The following PDGFC variants were observed in gnomAD, a reference collection of about 807,000 sequenced individuals.
PDGFC encodes the protein platelet-derived growth factor C.
In PDGFC, 12 loss-of-function variants were observed where a neutral mutation model predicts 35.5. The observed-to-expected ratio is 0.34, with a 90% CI of 0.22 to 0.55. The LOEUF (loss-of-function observed/expected upper bound fraction) is 0.55, where lower values mean the gene tolerates loss of function less well. Among genes scored for constraint, PDGFC ranks in the 20% least tolerant of loss-of-function variants. The probability of loss-of-function intolerance (pLI) is 0.91; values close to 1 mark genes in which losing one functional copy is unlikely to be tolerated. For synonymous variants in PDGFC, 159 were observed against 148.8 expected, an observed-to-expected ratio of 1.07 and a Z score of -0.50; for missense variants, 322 against 412.4, an observed-to-expected ratio of 0.78 and a Z score of 1.90.
At chr4:156,895,532 T>C (rs1256982134) in intron 1 of PDGFC, among the ~76,000 whole-genome samples, 1 of 151,424 alleles carries the variant, frequency 6.6e-6, no homozygotes, top group African/African-American at 2.4e-5. Flanking sequence ...CTCAGGAGGC[T>C]GAGGCAGGAG....
Position 156,846,756 on chromosome 4 carries a change from CT to C in PDGFC, c.314+3464del, listed in dbSNP as rs758236437. On this transcript the variant is annotated intron_variant, in intron 2 of 5. Coordinates refer to ENST00000502773, the MANE Select transcript of PDGFC (RefSeq NM_016205.3). ...GTACAAAGTGTCATAATGTTGGCAG[CT>C]TACTTTTAAATCCAAAAGAAAAGAA... Among the ~76,000 whole-genome samples, 14 of 151,754 alleles carry C rather than the reference CT, an allele frequency of 9.2e-5. No homozygotes were observed. In the East Asian group the frequency reaches 1.2e-3, roughly 13 times the overall value.
chr4:156,804,346 C>T (rs528577524), intron 3 of PDGFC, among the ~76,000 whole-genome samples: 10 of 152,042 alleles, frequency 6.6e-5, no homozygotes, highest in African/African-American at 1.7e-4. Flanking sequence ...GAGTATCACC[C>T]CAGACCAAGA....
intron 1 of PDGFC, among the ~76,000 whole-genome samples, chr4:156,934,742 T>C (rs1343374447): frequency 6.6e-6 from 1 of 152,210 alleles, no homozygotes; most frequent in Non-Finnish European, 1.5e-5. Context: ...ATTTTAAATT[T>C]TTTTTATTTT....
chr4:156,840,392 C>T (rs1263262523), intron 2 of PDGFC, among the ~76,000 whole-genome samples: 1 of 152,182 alleles, frequency 6.6e-6, no homozygotes, highest in African/African-American at 2.4e-5. Context: ...TAGTGTTGGT[C>T]CTGTGGGTGC....
At chr4:156,864,555 A>G (rs1228088999) in intron 1 of PDGFC, among the ~76,000 whole-genome samples, 1 of 152,158 alleles carries the variant, frequency 6.6e-6, no homozygotes, top group Non-Finnish European at 1.5e-5. Flanking sequence ...TCTCTTCACA[A>G]TTCCCCTCCT....
At chr4:156,948,618 T>C (rs1362276638) in intron 1 of PDGFC, among the ~76,000 whole-genome samples, 1 of 152,004 alleles carries the variant, frequency 6.6e-6, no homozygotes, top group Non-Finnish European at 1.5e-5. Flanking sequence ...GTTTCTAATA[T>C]AGTAGTAATA....
chr4:156,762,413 G>A lies in PDGFC; in HGVS notation c.*677C>T, dbSNP rs1288096459. Reference sequence around the variant, plus strand: ...AAATAAACTGACTTATCGATAAAGTGAAGATAAGGCCACTCTTCTTTTCAG... The same window carrying A: ...AAATAAACTGACTTATCGATAAAGTAAAGATAAGGCCACTCTTCTTTTCAG... On this transcript the variant is annotated 3_prime_UTR_variant, in exon 6 of 6. Transcript: ENST00000502773. The A allele has an allele frequency of 6.6e-6, 1 of 152,536 alleles. No individual in the cohort carries two copies. Among genetic ancestry groups the A allele is most frequent in the Non-Finnish European group, 1.5e-5 (1 of 68,028 alleles). The allele number at this position is 152,536 out of a possible 1,614,324, so 9.4% of individuals were successfully genotyped here.
chr4:156,912,760 G>A (rs984842158), intron 1 of PDGFC, among the ~76,000 whole-genome samples: 1 of 151,500 alleles, frequency 6.6e-6, no homozygotes, highest in Non-Finnish European at 1.5e-5. Flanking sequence ...ATATAAATAT[G>A]TACATTTTTC....
intron 1 of PDGFC, among the ~76,000 whole-genome samples, chr4:156,958,963 T>C (rs1222972801): frequency 6.6e-6 from 1 of 152,074 alleles, no homozygotes; most frequent in East Asian, 1.9e-4. Flanking sequence ...GTTGTTAGAT[T>C]TTTTACTTTA....
intron 1 of PDGFC, among the ~76,000 whole-genome samples, chr4:156,853,741 C>T (rs1053607139): frequency 2.0e-5 from 3 of 152,068 alleles, no homozygotes; most frequent in Non-Finnish European, 2.9e-5. Context: ...GCAGGTGGAT[C>T]CCTTAAGCTC....
At chr4:156,830,526 CT>C (rs143256958) in intron 2 of PDGFC, among the ~76,000 whole-genome samples, 9,441 of 152,176 alleles carry the variant, frequency 0.062, 386 homozygotes, top group Middle Eastern at 0.12. Context: ...CATTTAGTCA[CT>C]TGTGGACCTC....
intron 1 of PDGFC, among the ~76,000 whole-genome samples, chr4:156,877,562 C>G (rs1324646283): frequency 6.6e-6 from 1 of 152,032 alleles, no homozygotes; most frequent in South Asian, 2.1e-4. Flanking sequence ...AAATCAAGTA[C>G]CAGTAGAGAA....
At chr4:156,837,778 G>C (rs1729097653) in intron 2 of PDGFC, among the ~76,000 whole-genome samples, 1 of 152,208 alleles carries the variant, frequency 6.6e-6, no homozygotes, top group South Asian at 2.1e-4. Flanking sequence ...CAGGAAAATA[G>C]GTAAAGGGTT....
chr4:156,782,596 C>A (rs1450016281), intron 3 of PDGFC, among the ~76,000 whole-genome samples: 1 of 152,036 alleles, frequency 6.6e-6, no homozygotes, highest in Non-Finnish European at 1.5e-5. Context: ...TGAACACTTT[C>A]AAAAAATAAA....
Position 156,832,903 on chromosome 4 carries a change from T to C in PDGFC, c.314+17318A>G, listed in dbSNP as rs147869096. 3.6e-4 allele frequency among the ~76,000 whole-genome samples: 55 copies of C among 152,328 alleles called. 1 individual carries two copies. Among genetic ancestry groups the C allele is most frequent in the African/African-American group, 1.3e-3 (55 of 41,586 alleles). ...TGGCTGGCCCCTGGGGGACTACTTATACTTTTCAGTTAAATGTAATCCATT... is the reference window on the plus strand; with the variant it reads ...TGGCTGGCCCCTGGGGGACTACTTACACTTTTCAGTTAAATGTAATCCATT... On this transcript the variant is annotated intron_variant, in intron 2 of 5. Coordinates refer to ENST00000502773, the MANE Select transcript of PDGFC (RefSeq NM_016205.3).
chr4:156,829,199 G>A (rs1344247598), intron 2 of PDGFC, among the ~76,000 whole-genome samples: 1 of 152,038 alleles, frequency 6.6e-6, no homozygotes, highest in Admixed American at 6.5e-5. Flanking sequence ...AATGCCAAGG[G>A]GTTTATGGAA....
chr4:156,930,389 T>C (rs1731522378), intron 1 of PDGFC, among the ~76,000 whole-genome samples: 1 of 152,224 alleles, frequency 6.6e-6, no homozygotes, highest in African/African-American at 2.4e-5. Flanking sequence ...ATCTGTAGGA[T>C]CTGTAGGCTA....
chr4:156,830,858 T>C (rs995394819), intron 2 of PDGFC, among the ~76,000 whole-genome samples: 2 of 152,194 alleles, frequency 1.3e-5, no homozygotes, highest in African/African-American at 4.8e-5. Context: ...CTTCCACTTC[T>C]CCTTCAGATT....
At chr4:156,945,008 C>T (rs1731904364) in intron 1 of PDGFC, among the ~76,000 whole-genome samples, 1 of 151,984 alleles carries the variant, frequency 6.6e-6, no homozygotes, top group African/African-American at 2.4e-5. Flanking sequence ...GTCACCTTCT[C>T]AGTCAGCCCT....
Sources: allele counts gnomAD v4.1 joint callset (sites outside exome capture counted in the v4.1 genomes callset), GRCh38; gene constraint gnomAD v4.1.1; transcripts MANE v1.5; gene names NCBI Gene and HGNC (gene_info 2026-07-23, HGNC 2026-07-21).